FMN1: variants seen among roughly 807,000 people sequenced by gnomAD.
The protein encoded by FMN1 is formin 1.
In FMN1, 110 loss-of-function variants were observed where a neutral mutation model predicts 132.4. The observed-to-expected ratio is 0.83, with a 90% CI of 0.71 to 0.97. FMN1 has a LOEUF of 0.97. Among genes scored for constraint, FMN1 ranks in the 50% least tolerant of loss-of-function variants. The probability of loss-of-function intolerance (pLI) is 0.00; values close to 1 mark genes in which losing one functional copy is unlikely to be tolerated. For synonymous variants in FMN1, 722 were observed against 651.7 expected (o/e 1.11, Z -1.64); for missense variants, 1,792 against 1,705.3 (o/e 1.05, Z -0.90).
chr15:32,872,989 G>T (rs150402048), intron 16 of FMN1, among the ~76,000 whole-genome samples: 1 of 152,222 alleles, frequency 6.6e-6, no homozygotes, highest in African/African-American at 2.4e-5. Flanking sequence ...CTAATCTGGT[G>T]GATGAATTCT....
chr15:32,939,001 G>A (rs1012642731), intron 9 of FMN1, among the ~76,000 whole-genome samples: 1 of 152,148 alleles, frequency 6.6e-6, no homozygotes, highest in Non-Finnish European at 1.5e-5. Context: ...TTTTCAAAGG[G>A]AAGAGGGAAT....
intron 6 of FMN1, among the ~76,000 whole-genome samples, chr15:33,045,023 C>T (rs144408540): frequency 6.0e-4 from 91 of 152,332 alleles, no homozygotes; most frequent in African/African-American, 2.2e-3. Flanking sequence ...GAGCTGCCAC[C>T]CTTCAGGGAG....
At chr15:32,910,028 T>C (rs2060519575) in intron 11 of FMN1, among the ~76,000 whole-genome samples, 1 of 152,088 alleles carries the variant, frequency 6.6e-6, no homozygotes, top group Non-Finnish European at 1.5e-5. Context: ...TCATTCTAAA[T>C]CCAAAACACA....
chr15:32,899,950 C>A (rs769583822), intron 14 of FMN1, 29 bp downstream of exon 14: 2 of 1,606,438 alleles, frequency 1.2e-6, no homozygotes, highest in South Asian at 2.2e-5. Context: ...AATGGCAGAT[C>A]ATGGGAACTT....
At chr15:33,157,379 G>A (rs773965511) in intron 3 of FMN1, among the ~76,000 whole-genome samples, 2 of 152,024 alleles carry the variant, frequency 1.3e-5, no homozygotes, top group Non-Finnish European at 2.9e-5. Flanking sequence ...TATATACTGA[G>A]CACATATACA....
rs2056119805 is a variant in FMN1 at position 32,768,435 on chromosome 15, T to TTGA, written c.*5872_*5874dup. ...GTGTGCCTGAAATCTGATTTCCTTC[T>TTGA]TGATGTATTAAGATAATGCATTGGC... On this transcript the variant is annotated 3_prime_UTR_variant, in exon 21 of 21. Transcript: ENST00000616417. The TTGA allele has an allele frequency of 1.3e-5, 2 of 152,250 alleles. No individual in the cohort carries two copies. The highest frequency in any genetic ancestry group is 4.1e-4 in the South Asian group (2 of 4,830). 9.4% of individuals were successfully genotyped at this position (152,250 alleles called of 1,614,324 possible).
intron 20 of FMN1, among the ~76,000 whole-genome samples, chr15:32,774,827 C>A (rs150087936): frequency 1.0e-3 from 156 of 152,316 alleles, no homozygotes; most frequent in African/African-American, 3.7e-3. Flanking sequence ...CAGATTTAGT[C>A]TCTGCAGAAT....
intron 7 of FMN1, 36 bp downstream of exon 7, chr15:33,007,969 GTATCAGTTC>G: frequency 6.7e-7 from 1 of 1,501,812 alleles, no homozygotes. Flanking sequence ...AGAAAACCAA[GTATCAGTTC>G]TATAGAACCC....
intron 3 of FMN1, among the ~76,000 whole-genome samples, chr15:33,172,995 A>G (rs929382402): frequency 1.3e-5 from 2 of 152,166 alleles, no homozygotes; most frequent in African/African-American, 4.8e-5. Context: ...ATCTTGCCAG[A>G]GGTTTTCTAA....
intron 17 of FMN1, among the ~76,000 whole-genome samples, chr15:32,811,669 C>CTTT (rs61341012): frequency 2.1e-5 from 3 of 145,246 alleles, no homozygotes; most frequent in Non-Finnish European, 4.6e-5. Flanking sequence ...ATTTTATTTG[C>CTTT]TTTTTTTTTT....
At chr15:32,872,796 G>T (rs2059546612) in intron 16 of FMN1, among the ~76,000 whole-genome samples, 1 of 152,162 alleles carries the variant, frequency 6.6e-6, no homozygotes, top group Non-Finnish European at 1.5e-5. Context: ...CGGTTTCTCT[G>T]ACCTCTGAGC....
chr15:32,858,380 C>T (rs1390606116), intron 16 of FMN1, among the ~76,000 whole-genome samples: 2 of 152,164 alleles, frequency 1.3e-5, no homozygotes, highest in East Asian at 1.9e-4. Flanking sequence ...TCCTAGACAA[C>T]CCTGGGGACT....
At chr15:32,905,409 C>T (rs1379617812) in intron 12 of FMN1, among the ~76,000 whole-genome samples, 1 of 152,184 alleles carries the variant, frequency 6.6e-6, no homozygotes, top group Non-Finnish European at 1.5e-5. Flanking sequence ...CAGCTGTGGA[C>T]CTTCATGAAA....
intron 8 of FMN1, among the ~76,000 whole-genome samples, chr15:32,966,115 A>G (rs4611425): frequency 0.27 from 41,496 of 151,716 alleles, 6,858 homozygotes; most frequent in African/African-American, 0.47. Context: ...TCTAGAGTGA[A>G]GTGATGCAGA....
intron 19 of FMN1, among the ~76,000 whole-genome samples, chr15:32,795,578 C>G (rs77310433): frequency 6.7e-6 from 1 of 149,442 alleles, no homozygotes; most frequent in East Asian, 1.9e-4. Context: ...GATCACATAG[C>G]CAATTAATGG....
chr15:32,969,482 A>T lies in FMN1; in HGVS notation c.2224-5T>A. 6.2e-7 allele frequency: 1 copy of T among 1,611,864 alleles called. No individual in the cohort carries two copies. The highest frequency in any genetic ancestry group is 1.1e-5 in the South Asian group (1 of 90,934). Reference sequence around the variant, plus strand: ...TGCCCGAAGTTCAAACTGTGCCTATAGGAAAATTCAGAGGGAAAGAAAGTA... The same window carrying T: ...TGCCCGAAGTTCAAACTGTGCCTATTGGAAAATTCAGAGGGAAAGAAAGTA... On this transcript the variant is annotated splice_polypyrimidine_tract_variant and splice_region_variant and intron_variant, in intron 7 of 20. Coordinates refer to ENST00000616417, the MANE Select transcript of FMN1 (RefSeq NM_001277313.2).
intron 12 of FMN1, among the ~76,000 whole-genome samples, chr15:32,907,464 C>T (rs930310597): frequency 2.0e-5 from 3 of 151,986 alleles, no homozygotes; most frequent in Non-Finnish European, 2.9e-5. Context: ...GTGGTAATGC[C>T]GGCTTGTCTC....
intron 4 of FMN1, chr15:33,149,782 C>T (rs549698411): frequency 2.7e-5 from 27 of 984,036 alleles, no homozygotes; most frequent in Non-Finnish European, 2.5e-5. Context: ...AATGTCGTGA[C>T]GCTTCTTTAC....
At chr15:32,933,339 T>C (rs115694801) in intron 9 of FMN1, among the ~76,000 whole-genome samples, 1,664 of 152,308 alleles carry the variant, frequency 0.011, 29 homozygotes, top group African/African-American at 0.038. Flanking sequence ...TCAGAAAAGA[T>C]ACATGGTATA....
Sources: allele counts gnomAD v4.1 joint callset (sites outside exome capture counted in the v4.1 genomes callset), GRCh38; gene constraint gnomAD v4.1.1; transcripts MANE v1.5; gene names NCBI Gene and HGNC (gene_info 2026-07-23, HGNC 2026-07-21).